The following NAV2 variants were observed in gnomAD, a reference collection of about 807,000 sequenced individuals.
NAV2 encodes the protein helicase, APC down-regulated 1.
In NAV2, 54 loss-of-function variants were observed where a neutral mutation model predicts 223.2. The ratio of observed to expected loss-of-function variants is 0.24; its 90% CI spans 0.19 to 0.30. NAV2 has a LOEUF of 0.30. Ranked by LOEUF, NAV2 falls within the 10% of genes least tolerant of loss-of-function variation. The pLI, the probability that NAV2 is intolerant of heterozygous loss-of-function variation, is 1.00. For missense variants in NAV2, 2,806 were observed against 3,147.5 expected (o/e 0.89, Z 2.60); for synonymous variants, 1,279 against 1,239.3 (o/e 1.03, Z -0.67).
chr11:19,844,025 A>G (rs1199773968), intron 3 of NAV2, among the ~76,000 whole-genome samples: 2 of 152,110 alleles, frequency 1.3e-5, no homozygotes, highest in South Asian at 2.1e-4. Context: ...TTCTGAAACA[A>G]GTTTTTGTTG....
intron 1 of NAV2, among the ~76,000 whole-genome samples, chr11:19,517,854 C>G (rs1009848686): frequency 1.3e-5 from 2 of 152,228 alleles, no homozygotes; most frequent in Non-Finnish European, 2.9e-5. Flanking sequence ...GGCTGCAAAA[C>G]CAAGCATGGA....
intron 32 of NAV2, among the ~76,000 whole-genome samples, chr11:20,102,117 G>C (rs2061681871): frequency 6.6e-6 from 1 of 152,134 alleles, no homozygotes. Flanking sequence ...TCTGTTGAGA[G>C]CCTTTGTGTG....
Position 20,045,101 on chromosome 11 carries a change from G to A in NAV2, c.3333G>A (p.Arg1111=), listed in dbSNP as rs2057311078. ...ESKKPLPSSS[R]TPTANANSFG... ...AAAAGCCCCTCCCCAGCAGCTCTAG[G>A]ACACCTACTGCCAATGCCAACAGCT... The change falls in exon 14 of 38, where the codon AGG becomes AGA. Residue 1111 remains arginine, a synonymous_variant. Transcript: ENST00000349880. The A allele has an allele frequency of 6.2e-7, 1 of 1,614,020 alleles. No individual in the cohort carries two copies. The highest frequency in any genetic ancestry group is 1.7e-5 in the Admixed American group (1 of 59,994).
Position 19,868,941 on chromosome 11 carries a change from C to T in NAV2, c.455C>T (p.Ala152Val). The T allele has an allele frequency of 6.2e-7, 1 of 1,613,842 alleles. No homozygotes were observed. The highest frequency in any genetic ancestry group is 8.5e-7 in the Non-Finnish European group (1 of 1,179,858). ...NRSQMIENID[A>V]CLNFLAAKGI... ...CCCTCCTAGATTGAAAACATAGATGCCTGCTTGAATTTCCTGGCAGCTAAG... is the reference window on the plus strand; with the variant it reads ...CCCTCCTAGATTGAAAACATAGATGTCTGCTTGAATTTCCTGGCAGCTAAG... The change falls in exon 4 of 38, where the codon GCC becomes GTC. Residue 152 changes from alanine to valine, a missense_variant. This residue lies in a region of NAV2 where 1,167 missense variants were observed against 1,180.5 expected (regional missense o/e 0.99). Transcript: ENST00000349880.
chr11:19,707,986 C>A (rs139663044), upstream of NAV2, among the ~76,000 whole-genome samples: 52 of 152,310 alleles, frequency 3.4e-4, no homozygotes, highest in Non-Finnish European at 4.4e-5. Context: ...GACTCAAATG[C>A]CTATAAACAC....
At chr11:20,114,375 G>T in intron 36 of NAV2, 1 of 587,484 alleles carries the variant, frequency 1.7e-6, no homozygotes, top group Middle Eastern at 4.5e-4. Flanking sequence ...TGACTCCAAA[G>T]CCTGTATTCT....
intron 1 of NAV2, among the ~76,000 whole-genome samples, chr11:19,769,443 A>C (rs2055523527): frequency 6.6e-6 from 1 of 152,140 alleles, no homozygotes; most frequent in Non-Finnish European, 1.5e-5. Context: ...TCCTCTCTGG[A>C]CTTTTGGATA....
At chr11:19,578,943 T>C (rs2045639715) in intron 1 of NAV2, among the ~76,000 whole-genome samples, 1 of 152,186 alleles carries the variant, frequency 6.6e-6, no homozygotes, top group African/African-American at 2.4e-5. Context: ...CACCCAAGAT[T>C]ACTCAGCTAG....
At chr11:19,778,722 T>A (rs1360606176) in intron 1 of NAV2, among the ~76,000 whole-genome samples, 1 of 152,234 alleles carries the variant, frequency 6.6e-6, no homozygotes, top group Non-Finnish European at 1.5e-5. Flanking sequence ...TTTAATGTGC[T>A]GTAACATTAG....
At chr11:19,652,549 C>G (rs542933578) in intron 1 of NAV2, among the ~76,000 whole-genome samples, 1 of 152,314 alleles carries the variant, frequency 6.6e-6, no homozygotes, top group Non-Finnish European at 1.5e-5. Flanking sequence ...TTCTTCCCCC[C>G]ACTCCACGCC....
At chr11:20,019,460 G>A (rs2054302085) in intron 11 of NAV2, among the ~76,000 whole-genome samples, 1 of 152,158 alleles carries the variant, frequency 6.6e-6, no homozygotes, top group African/African-American at 2.4e-5. Flanking sequence ...TTTCAGATGT[G>A]TTGGGTACAC....
intron 13 of NAV2, 147 bp downstream of exon 13, chr11:20,044,419 A>C: frequency 1.4e-6 from 1 of 733,178 alleles, no homozygotes; most frequent in Non-Finnish European, 2.2e-6. Flanking sequence ...TCACATCCCT[A>C]CCTTTTTCTA....
chr11:19,627,921 AAAAAAAAG>A (rs1277875321), intron 1 of NAV2, among the ~76,000 whole-genome samples: 6 of 114,726 alleles, frequency 5.2e-5, no homozygotes, highest in South Asian at 3.6e-4. Context: ...TCAAAAAAAA[AAAAAAAAG>A]AAGAAGAAGA....
chr11:19,587,046 G>A (rs1486645996), intron 1 of NAV2, among the ~76,000 whole-genome samples: 5 of 152,202 alleles, frequency 3.3e-5, no homozygotes, highest in Admixed American at 1.3e-4. Context: ...CTTCACGGCC[G>A]CTTTGTTTAC....
chr11:19,765,537 C>T (rs568951896), intron 1 of NAV2, among the ~76,000 whole-genome samples: 45 of 152,000 alleles, frequency 3.0e-4, no homozygotes, highest in African/African-American at 1.0e-3. Flanking sequence ...CCTTAACTGA[C>T]GGGCTTACAA....
At chr11:19,999,331 A>C (rs141953455) in intron 11 of NAV2, among the ~76,000 whole-genome samples, 2,052 of 152,338 alleles carry the variant, frequency 0.013, 53 homozygotes, top group African/African-American at 0.046. Context: ...CTCTTGTGGG[A>C]GACTGACTGG....
At chr11:19,948,084 AT>A (rs35277859) in intron 9 of NAV2, among the ~76,000 whole-genome samples, 192 of 146,528 alleles carry the variant, frequency 1.3e-3, no homozygotes, top group Middle Eastern at 3.5e-3. Context: ...GAAAATTCTT[AT>A]TTTTTTTTTT....
chr11:19,785,697 A>T (rs1227504162), intron 1 of NAV2, among the ~76,000 whole-genome samples: 2 of 149,226 alleles, frequency 1.3e-5, no homozygotes, highest in Non-Finnish European at 1.5e-5. Flanking sequence ...CTGTCCACGG[A>T]GTAATGTCTG....
At position 19,716,420 on chromosome 11, in the gene NAV2, G is replaced by A. The variant is rs77113891; in HGVS notation, c.267+2458G>A. On this transcript the variant is annotated intron_variant, in intron 1 of 37. Coordinates refer to ENST00000349880, the MANE Select transcript of NAV2 (RefSeq NM_145117.5). Reference sequence around the variant, plus strand: ...AGTTGTGAGCATTAAGAAAAATAACGTAAAGTGTTCAGTGCAGTGTCTGGC... The same window carrying A: ...AGTTGTGAGCATTAAGAAAAATAACATAAAGTGTTCAGTGCAGTGTCTGGC... 4.5e-3 allele frequency among the ~76,000 whole-genome samples: 681 copies of A among 152,258 alleles called. 7 individuals are homozygous for A. The highest frequency in any genetic ancestry group is 0.016 in the African/African-American group (653 of 41,548).
Sources: allele counts gnomAD v4.1 joint callset (sites outside exome capture counted in the v4.1 genomes callset), GRCh38; gene constraint gnomAD v4.1.1; regional missense constraint gnomAD v4.1.1; transcripts MANE v1.5; gene names NCBI Gene and HGNC (gene_info 2026-07-23, HGNC 2026-07-21).